The following LITAF variants were observed in gnomAD, a reference collection of about 807,000 sequenced individuals.
LITAF encodes lipopolysaccharide-induced tumor necrosis factor-alpha factor.
Under a neutral mutation model 14.5 loss-of-function variants are expected in LITAF, and 9 were observed. The observed-to-expected ratio is 0.62, with a 90% confidence interval of 0.37 to 1.08. The LOEUF is 1.08. Ranked by LOEUF, LITAF falls within the 50% of genes least tolerant of loss-of-function variation. The pLI is 0.01. For synonymous variants in LITAF, 98 were observed against 88.2 expected (o/e 1.11, Z -0.62); for missense variants, 206 against 213.4 (o/e 0.97, Z 0.22).
chr16:11,560,254 G>A (rs545254536), intron 1 of LITAF, among the ~76,000 whole-genome samples: 122 of 152,014 alleles, frequency 8.0e-4, no homozygotes, highest in Non-Finnish European at 1.4e-3. Flanking sequence ...CTGAGATTGC[G>A]CCATTGCACT....
chr16:11,612,146 G>T (rs1004051027), intron 3 of LITAF, among the ~76,000 whole-genome samples: 1 of 152,216 alleles, frequency 6.6e-6, no homozygotes, highest in African/African-American at 2.4e-5. Context: ...TGGAAACAGG[G>T]TCTCAAAGTC....
Position 11,549,773 on chromosome 16 carries a change from G to A in LITAF, c.378-28C>T, listed in dbSNP as rs775725208. On this transcript the variant is annotated intron_variant, in intron 3 of 3. Transcript: ENST00000622633. This position sits in a 1 kb window ranked among gnomAD's most constrained non-coding sequence, Gnocchi z 4.6. ...GGGAGGAGAGAGAGACACACGGAGC[G>A]CGTTACTGATCACAACAGGGTGAAC... is the stretch of plus-strand genomic sequence containing the variant. 3.8e-5 allele frequency: 59 copies of A among 1,564,274 alleles called. 3 individuals are homozygous for A. Among genetic ancestry groups the A allele is most frequent in the East Asian group, 1.8e-4 (8 of 44,090 alleles).
chr16:11,556,421 A>G, intron 2 of LITAF, 90 bp downstream of exon 2: 8 of 1,140,006 alleles, frequency 7.0e-6, no homozygotes, highest in Non-Finnish European at 1.0e-5. Flanking sequence ...CTTCACTTAG[A>G]CTCTTTGGCA....
chr16:11,637,135 C>T (rs758503005), upstream of LITAF, among the ~76,000 whole-genome samples: 4 of 152,194 alleles, frequency 2.6e-5, no homozygotes, highest in Non-Finnish European at 5.9e-5. Flanking sequence ...AGGTGATTCG[C>T]CCACCTCGGC....
At chr16:11,601,777 C>G (rs891853728), upstream of LITAF, among the ~76,000 whole-genome samples, 1 of 152,266 alleles carries the variant, frequency 6.6e-6, no homozygotes, top group East Asian at 1.9e-4. Context: ...CCAGACTGGT[C>G]TCAAATTCCT....
intron 3 of LITAF, among the ~76,000 whole-genome samples, chr16:11,629,918 C>T (rs1011063689): frequency 1.3e-5 from 2 of 152,186 alleles, no homozygotes; most frequent in Non-Finnish European, 2.9e-5. Context: ...CTGCAAACAT[C>T]TCCAAGTGTC....
intron 1 of LITAF, among the ~76,000 whole-genome samples, chr16:11,578,111 C>A (rs1400971786): frequency 6.6e-5 from 10 of 152,064 alleles, no homozygotes; most frequent in Non-Finnish European, 1.0e-4. Flanking sequence ...GTTGCTCAGG[C>A]CGGTCTTAAA....
At chr16:11,578,929 C>G (rs1445162991) in intron 1 of LITAF, among the ~76,000 whole-genome samples, 1 of 152,242 alleles carries the variant, frequency 6.6e-6, no homozygotes, top group African/African-American at 2.4e-5. Context: ...TGGCTCATGC[C>G]TATAATCCCA....
upstream of LITAF, among the ~76,000 whole-genome samples, chr16:11,639,194 TG>T (rs2065154512): frequency 6.6e-6 from 1 of 151,296 alleles, no homozygotes; most frequent in Non-Finnish European, 1.5e-5. Context: ...GGTAGATGTA[TG>T]GATGGGTAGA....
upstream of LITAF, chr16:11,587,153 C>G: frequency 3.1e-6 from 1 of 322,014 alleles, no homozygotes. Flanking sequence ...AGGCTTACCC[C>G]CGAGACGCCT....
At chr16:11,611,632 CT>C (rs1239292108) in intron 3 of LITAF, among the ~76,000 whole-genome samples, 5 of 151,394 alleles carry the variant, frequency 3.3e-5, no homozygotes, top group Non-Finnish European at 7.4e-5. Context: ...ATTTTTCTAT[CT>C]TTTTTTTCTT....
Position 11,634,795 on chromosome 16 carries a change from G to C in LITAF, c.-21+1030C>G, listed in dbSNP as rs2065131600. 6.6e-6 allele frequency among the ~76,000 whole-genome samples: 1 copy of C among 152,150 alleles called. No homozygotes were observed. The highest frequency in any genetic ancestry group is 6.5e-5 in the Admixed American group (1 of 15,270). On this transcript the variant is annotated intron_variant, in intron 2 of 3. Coordinates refer to the LITAF transcript ENST00000574848. The surrounding 1 kb of genome is among the most constrained non-coding windows in gnomAD (Gnocchi z 4.1). Reference sequence around the variant, plus strand: ...CACATCTGTAATCCCAGCACTTTGGGAGGCCAAGGCGGTAGATCACTTGAG... The same window carrying C: ...CACATCTGTAATCCCAGCACTTTGGCAGGCCAAGGCGGTAGATCACTTGAG...
chr16:11,617,646 C>T (rs1360110308), intron 3 of LITAF, among the ~76,000 whole-genome samples: 5 of 151,706 alleles, frequency 3.3e-5, no homozygotes, highest in Non-Finnish European at 7.4e-5. Flanking sequence ...AGACTGGTCT[C>T]GAACTCCTGA....
At chr16:11,637,978 A>C (rs868125329), upstream of LITAF, among the ~76,000 whole-genome samples, 89 of 78,934 alleles carry the variant, frequency 1.1e-3, 5 homozygotes, top group African/African-American at 7.4e-3. Flanking sequence ...ATATATCTAT[A>C]TATATCTATA....
intron 3 of LITAF, among the ~76,000 whole-genome samples, chr16:11,612,134 G>C (rs1303415735): frequency 6.6e-6 from 1 of 152,214 alleles, no homozygotes; most frequent in Non-Finnish European, 1.5e-5. Context: ...TCACTGAGAG[G>C]GTGGAAACAG....
At chr16:11,552,885 G>T (rs1484048067) in intron 3 of LITAF, among the ~76,000 whole-genome samples, 1 of 152,048 alleles carries the variant, frequency 6.6e-6, no homozygotes, top group Non-Finnish European at 1.5e-5. Flanking sequence ...AGGCTGAGGC[G>T]GGTGGACCAC....
chr16:11,572,894 C>G (rs932702818), intron 1 of LITAF, among the ~76,000 whole-genome samples: 1 of 150,034 alleles, frequency 6.7e-6, no homozygotes, highest in Non-Finnish European at 1.5e-5. Flanking sequence ...TGGGAGCTCT[C>G]TGTATTAATT....
In LITAF at chr16:11,553,557, G is replaced by T. The variant is rs1189728629; in HGVS notation, c.353C>A (p.Ser118Tyr). 1 of 1,614,004 alleles carries T rather than the reference G, an allele frequency of 6.2e-7. No homozygotes were observed. Among genetic ancestry groups the T allele is most frequent in the Non-Finnish European group, 8.5e-7 (1 of 1,180,022 alleles). ...CCCCAGCAGGCACAGGCTCCCGCAG[G>T]ACAGCCAGGTCAGAGCACCGGCGTT... Reference protein sequence around the residue: ...SYNAGALTWLSCGSLCLLGCI... With the variant: ...SYNAGALTWLYCGSLCLLGCI... Residue 118 changes from serine (S) to tyrosine (Y), a missense_variant, in exon 3 of 4, where the codon TCC (serine) becomes TAC (tyrosine). By Grantham distance (144) the Ser-to-Tyr change is moderately radical. Transcript: ENST00000622633. The surrounding 1 kb of genome is among the most constrained non-coding windows in gnomAD (Gnocchi z 7.7).
upstream of LITAF, among the ~76,000 whole-genome samples, chr16:11,591,599 C>A (rs1292728950): frequency 6.6e-6 from 1 of 150,408 alleles, no homozygotes; most frequent in Non-Finnish European, 1.5e-5. Context: ...ACATATAAAC[C>A]ATATATCTAT....
Sources: allele counts gnomAD v4.1 joint callset (sites outside exome capture counted in the v4.1 genomes callset), GRCh38; gene constraint gnomAD v4.1.1; non-coding constraint Gnocchi (gnomAD v3.1); transcripts MANE v1.5; gene names NCBI Gene and HGNC (gene_info 2026-07-23, HGNC 2026-07-21).